The following DENND2B variants were observed in gnomAD, a reference collection of about 807,000 sequenced individuals.
The protein encoded by DENND2B is DENN domain containing 2B, also known as DENN domain-containing protein 2B.
A neutral mutation model predicts 116.0 loss-of-function variants in DENND2B; 32 were observed. The observed-to-expected ratio is 0.28, with a 90% CI of 0.21 to 0.37. DENND2B has a LOEUF of 0.37. Ranked by LOEUF, DENND2B falls within the 10% of genes least tolerant of loss-of-function variation. DENND2B has a pLI of 1.00. For missense variants in DENND2B, 1,276 were observed against 1,477.7 expected, an observed-to-expected ratio of 0.86 and a Z score of 2.24; for synonymous variants, 588 against 583.9, an observed-to-expected ratio of 1.01 and a Z score of -0.10.
At chr11:8,820,721 A>G (rs541479150) in intron 4 of DENND2B, among the ~76,000 whole-genome samples, 1 of 152,228 alleles carries the variant, frequency 6.6e-6, no homozygotes, top group South Asian at 2.1e-4. Context: ...AGAAATTAAG[A>G]AAACGAAGTA....
In DENND2B at chr11:8,790,736, T is replaced by G. The variant is rs976588735; in HGVS notation, c.-26+19781A>C. On this transcript the variant is annotated intron_variant, in intron 1 of 19. Transcript: ENST00000313726. Reference sequence around the variant, plus strand: ...GTGAGGTGTGATAGCATCACTGCACTCCAGCCCGTGCAACAGAGCAAAGAA... The same window carrying G: ...GTGAGGTGTGATAGCATCACTGCACGCCAGCCCGTGCAACAGAGCAAAGAA... Among the ~76,000 whole-genome samples the G allele has an allele frequency of 2.0e-5, 3 of 152,132 alleles. No individual in the cohort carries two copies. The South Asian group carries it at 6.2e-4, about 32-fold the overall frequency.
At chr11:8,734,773 G>A (rs1433394684) in intron 2 of DENND2B, among the ~76,000 whole-genome samples, 1 of 119,730 alleles carries the variant, frequency 8.4e-6, no homozygotes, top group Non-Finnish European at 1.7e-5. Flanking sequence ...TGGGCAGCAA[G>A]AGTGAAAACA....
chr11:8,717,567 G>A (rs1334532179), intron 5 of DENND2B, among the ~76,000 whole-genome samples, 174 bp downstream of exon 5: 2 of 152,204 alleles, frequency 1.3e-5, no homozygotes, highest in Non-Finnish European at 2.9e-5. Context: ...TTGCTGAGGA[G>A]ACCTCCTTTA....
intron 4 of DENND2B, among the ~76,000 whole-genome samples, chr11:8,826,908 C>A (rs1208384616): frequency 2.6e-5 from 4 of 151,976 alleles, no homozygotes; most frequent in African/African-American, 7.3e-5. Context: ...TCAATTAGAC[C>A]CCACGATTCA....
upstream of DENND2B, chr11:8,811,501 G>A (rs899300788): frequency 1.5e-4 from 58 of 391,368 alleles, 1 homozygote; most frequent in Middle Eastern, 1.3e-3. Context: ...TGTCACAGTC[G>A]GTAATAATAT....
At chr11:8,711,467 T>G (rs1416893540) in intron 9 of DENND2B, among the ~76,000 whole-genome samples, 1 of 152,124 alleles carries the variant, frequency 6.6e-6, no homozygotes, top group Non-Finnish European at 1.5e-5. Context: ...CCAGGGCTCT[T>G]GGCTCTCAAT....
intron 4 of DENND2B, among the ~76,000 whole-genome samples, chr11:8,824,623 TG>T (rs1280814317): frequency 1.3e-5 from 2 of 152,178 alleles, no homozygotes; most frequent in Non-Finnish European, 2.9e-5. Context: ...GTTGATTCCA[TG>T]TCTTTGCTAT....
At position 8,730,811 on chromosome 11, in the gene DENND2B, T is replaced by G. The variant is rs774363831; in HGVS notation, c.479A>C (p.His160Pro). 12 of 1,613,108 alleles carry G rather than the reference T, an allele frequency of 7.4e-6. No homozygotes were observed. The highest frequency in any genetic ancestry group is 1.0e-5 in the Non-Finnish European group (12 of 1,179,950). Reference protein sequence around the residue: ...VLLTRTGTRAHSLGIREKISA... With the variant: ...VLLTRTGTRAPSLGIREKISA... ...TATCTTCTCCCGGATGCCCAGGCTG[T>G]GGGCGCGGGTACCGGTACGGGTCAG... The change falls in exon 3 of 20, where the codon CAC becomes CCC. Residue 160 changes from histidine to proline, a missense_variant. His to Pro is a moderately conservative substitution (Grantham distance 77). This residue lies in a region of DENND2B where 856 missense variants were observed against 846.6 expected (regional missense o/e 1.01). Transcript: ENST00000313726. The surrounding 1 kb of genome is among the most constrained non-coding windows in gnomAD (Gnocchi z 4.1).
chr11:8,708,431 G>A, intron 11 of DENND2B: 2 of 706,014 alleles, frequency 2.8e-6, no homozygotes, highest in Non-Finnish European at 3.5e-6. Flanking sequence ...AGAGATTTGT[G>A]AGAGAGGGAT....
intron 3 of DENND2B, among the ~76,000 whole-genome samples, chr11:8,845,912 T>G (rs2062795393): frequency 6.9e-6 from 1 of 144,462 alleles, no homozygotes; most frequent in African/African-American, 2.4e-5. Flanking sequence ...AAGGTCTGAT[T>G]AAATAAATTA....
At chr11:8,766,468 G>T (rs946984855) in intron 1 of DENND2B, among the ~76,000 whole-genome samples, 1 of 152,134 alleles carries the variant, frequency 6.6e-6, no homozygotes, top group Non-Finnish European at 1.5e-5. Context: ...GAAGCCTGCC[G>T]GCCAGCAGGG....
intron 3 of DENND2B, among the ~76,000 whole-genome samples, chr11:8,846,310 C>T (rs912696463): frequency 6.6e-6 from 1 of 152,160 alleles, no homozygotes; most frequent in Non-Finnish European, 1.5e-5. Flanking sequence ...ACTCAAGAAG[C>T]TGGTAAGGCT....
rs200890965 is a variant in DENND2B, at chr11:8,798,828, C to CTT, written c.-26+11687_-26+11688dup. On this transcript the variant is annotated intron_variant, in intron 1 of 19. Transcript: ENST00000313726. ...TAAATAAAACAACAATTTCCGGTTGCTTTTTTTTTTTTTTTTTAGACGGAG... is the reference window on the plus strand; with the variant it reads ...TAAATAAAACAACAATTTCCGGTTGCTTTTTTTTTTTTTTTTTTTAGACGGAG... Among the ~76,000 whole-genome samples, 283 of 134,166 alleles carry CTT rather than the reference C, an allele frequency of 2.1e-3. 1 individual carries two copies. The highest frequency in any genetic ancestry group is 4.1e-3 in the African/African-American group (149 of 36,022). The allele number at this position is 134,166 out of a possible 152,430, so 88.0% of individuals were successfully genotyped here.
At chr11:8,828,401 A>C (rs1162108280) in intron 4 of DENND2B, among the ~76,000 whole-genome samples, 1 of 152,104 alleles carries the variant, frequency 6.6e-6, no homozygotes, top group Non-Finnish European at 1.5e-5. Flanking sequence ...AGGATGCAGC[A>C]CTTCTCTGGT....
chr11:8,713,669 C>A (rs1178781336), intron 8 of DENND2B, among the ~76,000 whole-genome samples: 1 of 152,130 alleles, frequency 6.6e-6, no homozygotes, highest in Non-Finnish European at 1.5e-5. Flanking sequence ...CATGAGCCAC[C>A]GCGCCCGGCT....
intron 2 of DENND2B, among the ~76,000 whole-genome samples, chr11:8,863,843 T>C (rs1419621028): frequency 2.0e-5 from 3 of 152,108 alleles, no homozygotes; most frequent in Non-Finnish European, 2.9e-5. Context: ...ACAATTATAC[T>C]ATTTTCAAGA....
intron 3 of DENND2B, among the ~76,000 whole-genome samples, chr11:8,853,731 ATGTACATC>A (rs1450189572): frequency 1.3e-5 from 2 of 152,244 alleles, no homozygotes; most frequent in Non-Finnish European, 2.9e-5. Flanking sequence ...GAATATAAAT[ATGTACATC>A]TGTATGCGTA....
At chr11:8,747,919 G>A (rs1169437023) in intron 2 of DENND2B, among the ~76,000 whole-genome samples, 1 of 152,168 alleles carries the variant, frequency 6.6e-6, no homozygotes, top group Non-Finnish European at 1.5e-5. Flanking sequence ...AGACAGGCTT[G>A]GTGGTAGCAC....
At chr11:8,737,755 T>C (rs1250353913) in intron 2 of DENND2B, among the ~76,000 whole-genome samples, 1 of 151,778 alleles carries the variant, frequency 6.6e-6, no homozygotes, top group African/African-American at 2.4e-5. Flanking sequence ...CTCTCCTTCC[T>C]CTTCTTCCTC....
Sources: gnomAD v4.1 joint callset for allele counts (sites outside exome capture counted in the v4.1 genomes callset) on GRCh38, gnomAD v4.1.1 for gene constraint, gnomAD v4.1.1 regional missense constraint, Gnocchi (gnomAD v3.1) non-coding constraint, MANE v1.5 for transcripts, NCBI Gene and HGNC (gene_info 2026-07-23, HGNC 2026-07-21) for gene names.